The following WWOX variants were observed in gnomAD, a reference collection of about 807,000 sequenced individuals.
The protein encoded by WWOX is WW domain-containing oxidoreductase.
In WWOX, 69 loss-of-function variants were observed where a neutral mutation model predicts 46.2. The observed-to-expected ratio is 1.49, with a 90% CI of 1.23 to 1.82. The LOEUF is 1.82. Among genes scored for constraint, WWOX ranks in the 40% most tolerant of loss-of-function variants. The pLI is 0.00. For synonymous variants in WWOX, 359 were observed against 202.6 expected, an observed-to-expected ratio of 1.77 and a Z score of -6.56; for missense variants, 919 against 542.6, an observed-to-expected ratio of 1.69 and a Z score of -6.89.
chr16:78,914,151 C>G (rs1030738181), intron 8 of WWOX, among the ~76,000 whole-genome samples: 3 of 152,088 alleles, frequency 2.0e-5, no homozygotes, highest in African/African-American at 7.2e-5. Flanking sequence ...AAAGTCACTA[C>G]TCACAATTTC....
chr16:78,272,065 A>G (rs547383601), intron 5 of WWOX, among the ~76,000 whole-genome samples: 1 of 152,206 alleles, frequency 6.6e-6, no homozygotes, highest in Non-Finnish European at 1.5e-5. Context: ...GTTCCAATTT[A>G]TGTATAGCCG....
intron 8 of WWOX, among the ~76,000 whole-genome samples, chr16:78,545,065 C>G (rs1169192803): frequency 6.6e-6 from 1 of 152,146 alleles, no homozygotes; most frequent in Non-Finnish European, 1.5e-5. Context: ...AATAAGCAAA[C>G]CAAACGTGAA....
intron 8 of WWOX, among the ~76,000 whole-genome samples, chr16:78,597,077 G>A (rs993505891): frequency 1.3e-5 from 2 of 152,176 alleles, no homozygotes; most frequent in Non-Finnish European, 2.9e-5. Flanking sequence ...CTGGAGCCAG[G>A]TGCTTACGAC....
chr16:78,988,571 A>C (rs996205559), intron 8 of WWOX, among the ~76,000 whole-genome samples: 1 of 151,976 alleles, frequency 6.6e-6, no homozygotes, highest in Admixed American at 6.6e-5. Context: ...CGGAATAAAC[A>C]TCCCCGCCCC....
intron 8 of WWOX, among the ~76,000 whole-genome samples, chr16:79,176,690 C>G (rs1051829113): frequency 2.0e-5 from 3 of 152,076 alleles, no homozygotes; most frequent in Non-Finnish European, 4.4e-5. Context: ...TGGAGGTCTT[C>G]ATTTTATGAT....
At chr16:78,465,738 T>A (rs1179360139) in intron 8 of WWOX, among the ~76,000 whole-genome samples, 4 of 152,252 alleles carry the variant, frequency 2.6e-5, no homozygotes, top group African/African-American at 9.6e-5. Flanking sequence ...ATACCCACCA[T>A]CAGAGGGCAC....
At chr16:78,867,733 A>C (rs1240954906) in intron 8 of WWOX, among the ~76,000 whole-genome samples, 1 of 152,022 alleles carries the variant, frequency 6.6e-6, no homozygotes, top group Non-Finnish European at 1.5e-5. Flanking sequence ...AAAGTCCTAC[A>C]ACTGGTGAGC....
chr16:78,905,280 C>T (rs574197115), intron 8 of WWOX, among the ~76,000 whole-genome samples: 2 of 152,064 alleles, frequency 1.3e-5, no homozygotes, highest in Non-Finnish European at 2.9e-5. Flanking sequence ...TATATTGAGC[C>T]CACACATATT....
At chr16:78,126,957 T>G (rs972111193) in intron 4 of WWOX, among the ~76,000 whole-genome samples, 3 of 152,238 alleles carry the variant, frequency 2.0e-5, no homozygotes, top group Non-Finnish European at 4.4e-5. Flanking sequence ...TTGATGAGCC[T>G]GCTTTCAGGT....
At chr16:78,413,966 G>C (rs2082740268) in intron 6 of WWOX, among the ~76,000 whole-genome samples, 3 of 151,734 alleles carry the variant, frequency 2.0e-5, no homozygotes, top group Admixed American at 1.3e-4. Flanking sequence ...ATGGCCTGAA[G>C]CAACTGAAGA....
intron 5 of WWOX, among the ~76,000 whole-genome samples, chr16:78,217,993 C>G (rs1322500957): frequency 6.6e-6 from 1 of 152,262 alleles, no homozygotes; most frequent in South Asian, 2.1e-4. Context: ...CAGAGGCCAA[C>G]GTATCTCACC....
At position 78,380,282 on chromosome 16, in the gene WWOX, G is replaced by C. The variant is rs372575494; in HGVS notation, c.517-6578G>C. Among the ~76,000 whole-genome samples the C allele has an allele frequency of 2.6e-5, 4 of 152,282 alleles. No homozygotes were observed. The East Asian group carries it at 7.7e-4, about 29-fold the overall frequency. On this transcript the variant is annotated intron_variant, in intron 5 of 8. Transcript: ENST00000566780. ...TGTGGACATAATGGAATATGGAATA[G>C]CAATTGAAATCTTGCGTTGGGCTGA...
chr16:78,800,365 C>T (rs1016452753), intron 8 of WWOX, among the ~76,000 whole-genome samples: 2 of 152,026 alleles, frequency 1.3e-5, no homozygotes, highest in Admixed American at 1.3e-4. Context: ...CTTTAAAATT[C>T]CGCTTGGAAT....
chr16:78,998,506 C>G (rs2047033455), intron 8 of WWOX, among the ~76,000 whole-genome samples: 1 of 152,082 alleles, frequency 6.6e-6, no homozygotes, highest in Admixed American at 6.5e-5. Flanking sequence ...GGGGATTGGC[C>G]ACACCTGAAG....
intron 5 of WWOX, among the ~76,000 whole-genome samples, chr16:78,386,443 T>C (rs1597143338): frequency 6.6e-6 from 1 of 152,198 alleles, no homozygotes; most frequent in Non-Finnish European, 1.5e-5. Flanking sequence ...AATGGAGATA[T>C]TTCAGAACCT....
chr16:78,193,278 C>G (rs1028813934), intron 5 of WWOX, among the ~76,000 whole-genome samples: 1 of 152,178 alleles, frequency 6.6e-6, no homozygotes, highest in Non-Finnish European at 1.5e-5. Flanking sequence ...ATTCACTTGA[C>G]CAAAGATGGT....
At chr16:78,521,007 G>C (rs923426981) in intron 8 of WWOX, among the ~76,000 whole-genome samples, 1 of 152,140 alleles carries the variant, frequency 6.6e-6, no homozygotes, top group African/African-American at 2.4e-5. Context: ...GAATTTGCAG[G>C]GTCAAGGAGA....
intron 8 of WWOX, among the ~76,000 whole-genome samples, chr16:79,122,057 C>T (rs939725181): frequency 1.3e-5 from 2 of 152,166 alleles, no homozygotes; most frequent in African/African-American, 4.8e-5. Flanking sequence ...CCCAGCTGTG[C>T]ACACGCATGT....
chr16:79,018,730 A>G (rs2047467953), intron 8 of WWOX, among the ~76,000 whole-genome samples: 2 of 152,250 alleles, frequency 1.3e-5, no homozygotes, highest in African/African-American at 4.8e-5. Context: ...CTGCAGAGCC[A>G]TAAACCAGGG....
Sources: gnomAD v4.1 joint callset for allele counts (sites outside exome capture counted in the v4.1 genomes callset) on GRCh38, gnomAD v4.1.1 for gene constraint, MANE v1.5 for transcripts, NCBI Gene and HGNC (gene_info 2026-07-23, HGNC 2026-07-21) for gene names.